RYR2: variants seen among roughly 807,000 people sequenced by gnomAD.
The protein encoded by RYR2 is cardiac muscle ryanodine receptor-calcium release channel.
RYR2 carries 227 observed loss-of-function variants against 601.1 expected under a neutral mutation model. The observed-to-expected ratio is 0.38, with a 90% CI of 0.34 to 0.42. RYR2 has a LOEUF of 0.42. Among genes scored for constraint, RYR2 ranks in the 10% least tolerant of loss-of-function variants. RYR2 has a pLI of 1.00. For missense variants in RYR2, 4,646 were observed against 6,156.5 expected, an observed-to-expected ratio of 0.75 and a Z score of 8.21; for synonymous variants, 2,223 against 2,175.1, an observed-to-expected ratio of 1.02 and a Z score of -0.61.
Position 237,614,929 on chromosome 1 carries a change from T to A in RYR2, c.5715+86T>A. 1 of 1,328,756 alleles carries A rather than the reference T, an allele frequency of 7.5e-7. No homozygotes were observed. The highest frequency in any genetic ancestry group is 2.7e-5 in the Admixed American group (1 of 36,444). 82.3% of individuals were successfully genotyped at this position (1,328,756 alleles called of 1,614,324 possible). ...ATGCCTTTGTTTCTTTCTCTGTGTG[T>A]GTGTTTATTTCTTTGCATTCCTGTG... On this transcript the variant is annotated intron_variant, in intron 37 of 104. Transcript: ENST00000366574. This position sits in a 1 kb window ranked among gnomAD's most constrained non-coding sequence, Gnocchi z 4.3.
At chr1:237,769,739 CT>C (rs370357517) in intron 84 of RYR2, among the ~76,000 whole-genome samples, 2,843 of 125,104 alleles carry the variant, frequency 0.023, 31 homozygotes, top group South Asian at 0.026. Context: ...GTAAAAAGTT[CT>C]TTTTTTTTTT....
intron 84 of RYR2, among the ~76,000 whole-genome samples, chr1:237,762,914 A>T (rs537428434): frequency 6.6e-6 from 1 of 152,304 alleles, no homozygotes; most frequent in South Asian, 2.1e-4. Flanking sequence ...TGAGCGTGGT[A>T]ATTATTAAAA....
chr1:237,383,009 G>A (rs953281299), intron 8 of RYR2, among the ~76,000 whole-genome samples: 12 of 150,744 alleles, frequency 8.0e-5, no homozygotes, highest in African/African-American at 2.9e-4. Context: ...TGTTCAGAAT[G>A]TTGCATCACC....
intron 10 of RYR2, among the ~76,000 whole-genome samples, chr1:237,400,780 A>G (rs1265129361): frequency 1.3e-5 from 2 of 152,062 alleles, no homozygotes; most frequent in Non-Finnish European, 2.9e-5. Flanking sequence ...AGCAGTGAAG[A>G]TGTAGTATTG....
chr1:237,232,019 A>G (rs1436392869), intron 1 of RYR2, among the ~76,000 whole-genome samples: 4 of 152,228 alleles, frequency 2.6e-5, no homozygotes, highest in Non-Finnish European at 5.9e-5. Context: ...AATTAATTTT[A>G]GGTAGCAACT....
intron 19 of RYR2, among the ~76,000 whole-genome samples, chr1:237,494,679 C>T (rs115616103): frequency 1.6e-4 from 25 of 152,318 alleles, no homozygotes; most frequent in Admixed American, 4.6e-4. Flanking sequence ...ATCAACAAAA[C>T]GCTGTGTGTG....
intron 1 of RYR2, among the ~76,000 whole-genome samples, chr1:237,269,598 C>T (rs891580391): frequency 1.3e-5 from 2 of 152,180 alleles, no homozygotes; most frequent in African/African-American, 4.8e-5. Flanking sequence ...TTTTTAGGCC[C>T]TTGCCACGTA....
intron 43 of RYR2, among the ~76,000 whole-genome samples, chr1:237,634,357 C>T (rs893078658): frequency 6.6e-6 from 1 of 152,040 alleles, no homozygotes; most frequent in African/African-American, 2.4e-5. Context: ...AAATAAGCTA[C>T]GTGTAGAAAG....
chr1:237,613,705 A>C (rs1162901345), intron 36 of RYR2, among the ~76,000 whole-genome samples: 2 of 152,208 alleles, frequency 1.3e-5, no homozygotes, highest in African/African-American at 4.8e-5. Flanking sequence ...GGGTGTCCCA[A>C]ATCCAAAAAT....
intron 2 of RYR2, among the ~76,000 whole-genome samples, chr1:237,321,551 A>G (rs1358970402): frequency 6.6e-6 from 1 of 152,200 alleles, no homozygotes; most frequent in East Asian, 1.9e-4. Context: ...ATTGAGTGAT[A>G]ACAGACCAGT....
intron 80 of RYR2, among the ~76,000 whole-genome samples, chr1:237,750,605 A>G (rs898759219): frequency 2.0e-5 from 3 of 151,460 alleles, no homozygotes; most frequent in Non-Finnish European, 2.9e-5. Flanking sequence ...TAGGTATATT[A>G]AATATAATAC....
intron 89 of RYR2, among the ~76,000 whole-genome samples, chr1:237,783,068 A>G (rs756873416): frequency 6.6e-6 from 1 of 152,228 alleles, no homozygotes; most frequent in Non-Finnish European, 1.5e-5. Flanking sequence ...TCTAACAACT[A>G]TACACACTGA....
At chr1:237,793,609 C>T (rs12568562) in intron 94 of RYR2, among the ~76,000 whole-genome samples, 2,488 of 152,228 alleles carry the variant, frequency 0.016, 14 homozygotes, top group East Asian at 0.031. Flanking sequence ...AATGATTTCA[C>T]TAGTGTAATT....
intron 34 of RYR2, among the ~76,000 whole-genome samples, chr1:237,600,450 T>C (rs936224794): frequency 1.3e-5 from 2 of 152,054 alleles, no homozygotes; most frequent in African/African-American, 4.8e-5. Flanking sequence ...AAAAATCAAC[T>C]CAAAGTGGAT....
At chr1:237,322,722 TA>T (rs979562159) in intron 2 of RYR2, among the ~76,000 whole-genome samples, 4 of 152,132 alleles carry the variant, frequency 2.6e-5, no homozygotes, top group Non-Finnish European at 5.9e-5. Flanking sequence ...AACAAATACT[TA>T]GCTCATACAC....
At chr1:237,680,342 C>T in intron 61 of RYR2, 114 bp from the exon 62 acceptor site, 1 of 755,732 alleles carries the variant, frequency 1.3e-6, no homozygotes. Context: ...CTGGCATGGA[C>T]ATAAGGAGAC....
chr1:237,277,520 T>A (rs1386277412), intron 2 of RYR2, among the ~76,000 whole-genome samples: 1 of 152,224 alleles, frequency 6.6e-6, no homozygotes, highest in Non-Finnish European at 1.5e-5. Context: ...TAGGAGTGGA[T>A]TGATGAGAGA....
At chr1:237,212,925 C>A (rs1490200712) in intron 1 of RYR2, among the ~76,000 whole-genome samples, 1 of 152,006 alleles carries the variant, frequency 6.6e-6, no homozygotes, top group Non-Finnish European at 1.5e-5. Flanking sequence ...GCACCCACCA[C>A]CACGCCTGGC....
rs1675056199 is a variant in RYR2 at position 237,590,687 on chromosome 1, C to T, written c.3855C>T (p.Val1285=). Residue 1285 remains valine, a synonymous_variant, in exon 31 of 105, where the codon GTC becomes GTT. Coordinates refer to ENST00000366574, the MANE Select transcript of RYR2 (RefSeq NM_001035.3). ...GTIDSSPCLK[V]TQKSFGSQNS... is the part of the protein sequence containing the mutation. ...TAGACAGTTCCCCATGTTTAAAGGT[C>T]ACTCAGAAGTCTTTTGGTTCTCAGA... 1 of 1,581,386 alleles carries T rather than the reference C, an allele frequency of 6.3e-7. No homozygotes were observed. Among genetic ancestry groups the T allele is most frequent in the Non-Finnish European group, 8.6e-7 (1 of 1,161,964 alleles).
Sources: gnomAD v4.1 joint callset for allele counts (sites outside exome capture counted in the v4.1 genomes callset) on GRCh38, gnomAD v4.1.1 for gene constraint, Gnocchi (gnomAD v3.1) non-coding constraint, MANE v1.5 for transcripts, NCBI Gene and HGNC (gene_info 2026-07-23, HGNC 2026-07-21) for gene names.